Variants in SMOX observed in about 807,000 individuals in gnomAD.
The protein encoded by SMOX is spermine oxidase.
Under a neutral mutation model 51.0 loss-of-function variants are expected in SMOX, and 22 were observed. The ratio of observed to expected loss-of-function variants is 0.43; its 90% confidence interval spans 0.31 to 0.62. SMOX has a LOEUF of 0.62. SMOX is among the 20% of genes least tolerant of loss of function. The pLI, the probability that SMOX is intolerant of heterozygous loss-of-function variation, is 0.10. For missense variants in SMOX, 566 were observed against 777.7 expected, an observed-to-expected ratio of 0.73 and a Z score of 3.24; for synonymous variants, 282 against 307.8, an observed-to-expected ratio of 0.92 and a Z score of 0.88.
chr20:4,169,697 A>G (rs1986737390), intron 1 of SMOX, among the ~76,000 whole-genome samples: 1 of 152,176 alleles, frequency 6.6e-6, no homozygotes, highest in Admixed American at 6.5e-5. Context: ...GTGCAGAACC[A>G]GTACGAGGGA....
chr20:4,149,355 T>G lies in SMOX; in HGVS notation c.-27+378T>G, dbSNP rs1985609681. ...CCGGGCGCCCTGCAGGCGCGCTCCG[T>G]GGGCGCAGACAAAGCCGGGCGCGGA... On this transcript the variant is annotated intron_variant, in intron 1 of 6. Coordinates refer to ENST00000305958, the MANE Select transcript of SMOX (RefSeq NM_175839.3). This position sits in a 1 kb window ranked among gnomAD's most constrained non-coding sequence, Gnocchi z 6.0. Among the ~76,000 whole-genome samples, 1 of 150,854 alleles carries G rather than the reference T, an allele frequency of 6.6e-6. No individual in the cohort carries two copies. Among genetic ancestry groups the G allele is most frequent in the Non-Finnish European group, 1.5e-5 (1 of 67,612 alleles).
rs1414850503 is a variant in SMOX, at chr20:4,181,045, C to T, written c.436-758C>T. 1.3e-5 allele frequency among the ~76,000 whole-genome samples: 2 copies of T among 152,238 alleles called. No individual in the cohort carries two copies. The highest frequency in any genetic ancestry group is 4.8e-5 in the African/African-American group (2 of 41,462). On this transcript the variant is annotated intron_variant, in intron 3 of 6. Coordinates refer to ENST00000305958, the MANE Select transcript of SMOX (RefSeq NM_175839.3). This position sits in a 1 kb window ranked among gnomAD's most constrained non-coding sequence, Gnocchi z 5.6. ...TGCTTAGTGGGGACTGTATATGAGA[C>T]AGGCACGAGGGTCGGGCGGGCAGTC...
chr20:4,155,972 A>G (rs1026191892), intron 1 of SMOX, among the ~76,000 whole-genome samples: 2 of 152,194 alleles, frequency 1.3e-5, no homozygotes, highest in African/African-American at 2.4e-5. Flanking sequence ...GGCCAAGCCA[A>G]TCACACCCCA....
At chr20:4,168,713 C>G (rs569952145) in intron 1 of SMOX, among the ~76,000 whole-genome samples, 1 of 151,852 alleles carries the variant, frequency 6.6e-6, no homozygotes, top group East Asian at 1.9e-4. Flanking sequence ...CCCGCCACCA[C>G]GCTTGGCTAA....
At chr20:4,150,202 C>CT (rs1985665106) in intron 1 of SMOX, among the ~76,000 whole-genome samples, 1 of 152,204 alleles carries the variant, frequency 6.6e-6, no homozygotes, top group African/African-American at 2.4e-5. Context: ...TTCCCTCCAG[C>CT]TTCGGACCTT....
At chr20:4,186,249 G>A (rs1395376974) in intron 6 of SMOX, among the ~76,000 whole-genome samples, 2 of 152,214 alleles carry the variant, frequency 1.3e-5, no homozygotes, top group South Asian at 2.1e-4. Context: ...TGAGGCTGCA[G>A]TGGAGCTGTG....
Position 4,182,414 on chromosome 20 carries a change from CGGT to C in SMOX, c.944_946del (p.Val315del), listed in dbSNP as rs1979405752. 1.2e-6 allele frequency: 2 copies of C among 1,602,244 alleles called. No homozygotes were observed. Among genetic ancestry groups the C allele is most frequent in the Admixed American group, 1.7e-5 (1 of 59,352 alleles). ...AGGTGGGATGAGGATGAGCAGTGGTCGGTGGTGGTGGAGTGCGAGGACTGTGAG... is the reference window on the plus strand; with the variant it reads ...AGGTGGGATGAGGATGAGCAGTGGTCGGTGGTGGAGTGCGAGGACTGTGAG... On this transcript the variant is annotated inframe_deletion, in exon 5 of 7. Coordinates refer to ENST00000305958, the MANE Select transcript of SMOX (RefSeq NM_175839.3). The surrounding 1 kb of genome is among the most constrained non-coding windows in gnomAD (Gnocchi z 8.4).
chr20:4,161,367 C>T (rs954869281), intron 1 of SMOX, among the ~76,000 whole-genome samples: 1 of 152,188 alleles, frequency 6.6e-6, no homozygotes, highest in South Asian at 2.1e-4. Flanking sequence ...GCTGATAGCC[C>T]GGAGGAGAGA....
intron 3 of SMOX, among the ~76,000 whole-genome samples, chr20:4,179,495 AG>A (rs1444676110): frequency 6.6e-6 from 1 of 152,204 alleles, no homozygotes; most frequent in Non-Finnish European, 1.5e-5. Context: ...CATTCTGAGG[AG>A]GGGTGCTCTA....
chr20:4,173,267 G>T (rs1978561853), intron 1 of SMOX, among the ~76,000 whole-genome samples: 1 of 152,078 alleles, frequency 6.6e-6, no homozygotes. Flanking sequence ...CTGACCTCTG[G>T]CTTCATAGAT....
intron 1 of SMOX, among the ~76,000 whole-genome samples, chr20:4,162,668 G>A (rs1242298205): frequency 6.6e-6 from 1 of 152,176 alleles, no homozygotes; most frequent in African/African-American, 2.4e-5. Flanking sequence ...GGTGCATCTT[G>A]GGGGAGACAA....
At chr20:4,179,386 A>G (rs932212794) in intron 3 of SMOX, among the ~76,000 whole-genome samples, 1 of 152,182 alleles carries the variant, frequency 6.6e-6, no homozygotes, top group African/African-American at 2.4e-5. Context: ...TGGAGTGGAT[A>G]TGGTGGATTA....
intron 1 of SMOX, among the ~76,000 whole-genome samples, chr20:4,152,331 T>G (rs1354126023): frequency 1.3e-5 from 2 of 152,100 alleles, no homozygotes; most frequent in Non-Finnish European, 2.9e-5. Flanking sequence ...GGGTGACTGC[T>G]GGGTACCCAG....
Position 4,177,602 on chromosome 20 carries a change from G to T in SMOX, c.435+25G>T. On this transcript the variant is annotated intron_variant, in intron 3 of 6. Transcript: ENST00000305958. This position sits in a 1 kb window ranked among gnomAD's most constrained non-coding sequence, Gnocchi z 4.3. ...GGTAAGGTGTGAGCAGAGTAGCTGGGCGTAAGGGCATGGGGAGACCTGGGA... is the reference window on the plus strand; with the variant it reads ...GGTAAGGTGTGAGCAGAGTAGCTGGTCGTAAGGGCATGGGGAGACCTGGGA... The T allele has an allele frequency of 6.4e-7, 1 of 1,559,524 alleles. No individual in the cohort carries two copies. Among genetic ancestry groups the T allele is most frequent in the Non-Finnish European group, 8.7e-7 (1 of 1,150,792 alleles).
intron 6 of SMOX, among the ~76,000 whole-genome samples, chr20:4,184,117 C>T (rs1042159810): frequency 6.6e-6 from 1 of 151,638 alleles, no homozygotes; most frequent in African/African-American, 2.4e-5. Context: ...CTAGCTGGGA[C>T]CACAGGCATG....
chr20:4,156,950 C>T (rs985255068), intron 1 of SMOX, among the ~76,000 whole-genome samples: 1 of 152,152 alleles, frequency 6.6e-6, no homozygotes. Context: ...ACCGTGTTGC[C>T]CAGGCTGGTC....
chr20:4,182,479 C>G lies in SMOX; in HGVS notation c.1000C>G (p.Leu334Val). 1.2e-6 allele frequency: 2 copies of G among 1,601,354 alleles called. No individual in the cohort carries two copies. The highest frequency in any genetic ancestry group is 1.7e-6 in the Non-Finnish European group (2 of 1,172,984). The part of the protein sequence containing the change: ...PADHVIVTVS[L>V]GVLKRQYTSF... The stretch of plus-strand genomic sequence containing the variant: ...GGACCATGTGATTGTGACCGTGTCG[C>G]TAGGTGTGCTAAAGAGGCAGTACAC... The change falls in exon 5 of 7, where the codon CTA (leucine) becomes GTA (valine). Residue 334 changes from leucine to valine, a missense_variant. Leu to Val is a conservative substitution (Grantham distance 32). Transcript: ENST00000305958. This position sits in a 1 kb window ranked among gnomAD's most constrained non-coding sequence, Gnocchi z 8.4.
chr20:4,178,929 C>T (rs1427889593), intron 3 of SMOX, among the ~76,000 whole-genome samples: 1 of 152,022 alleles, frequency 6.6e-6, no homozygotes, highest in Non-Finnish European at 1.5e-5. Context: ...GTGATCCGCC[C>T]ACCTTGGTCT....
Position 4,172,458 on chromosome 20 carries a change from G to A in SMOX, c.-26-2572G>A, listed in dbSNP as rs939689268. The stretch of plus-strand genomic sequence containing the variant: ...GGAAGGAGAACCTGGGGTAGGGTGG[G>A]GGAGGACTGGAGCCAGCCCTGATCC... On this transcript the variant is annotated intron_variant, in intron 1 of 6. Coordinates refer to ENST00000305958, the MANE Select transcript of SMOX (RefSeq NM_175839.3). This position sits in a 1 kb window ranked among gnomAD's most constrained non-coding sequence, Gnocchi z 7.7. Among the ~76,000 whole-genome samples the A allele has an allele frequency of 6.6e-6, 1 of 152,198 alleles. No homozygotes were observed. Among genetic ancestry groups the A allele is most frequent in the African/African-American group, 2.4e-5 (1 of 41,450 alleles).
Sources: allele counts gnomAD v4.1 joint callset (sites outside exome capture counted in the v4.1 genomes callset), GRCh38; gene constraint gnomAD v4.1.1; non-coding constraint Gnocchi (gnomAD v3.1); transcripts MANE v1.5; gene names NCBI Gene and HGNC (gene_info 2026-07-23, HGNC 2026-07-21).